The following NUBPL variants were observed in gnomAD, a reference collection of about 807,000 sequenced individuals.
The protein encoded by NUBPL is NUBP iron-sulfur cluster assembly factor, mitochondrial.
In NUBPL, 31 loss-of-function variants were observed where a neutral mutation model predicts 45.7. The observed-to-expected ratio is 0.68, with a 90% CI of 0.51 to 0.92. The LOEUF (loss-of-function observed/expected upper bound fraction) is 0.92, where lower values mean the gene tolerates loss of function less well. Ranked by LOEUF, NUBPL falls within the 40% of genes least tolerant of loss-of-function variation. NUBPL has a pLI of 0.00. For missense variants in NUBPL, 401 were observed against 398.7 expected (o/e 1.01, Z -0.05); for synonymous variants, 144 against 140.9 (o/e 1.02, Z -0.15).
chr14:31,791,293 T>C (rs1463796810), intron 7 of NUBPL, among the ~76,000 whole-genome samples: 1 of 151,924 alleles, frequency 6.6e-6, no homozygotes, highest in Admixed American at 6.6e-5. Flanking sequence ...TAAATAAAAA[T>C]GAAAAAAGAT....
chr14:31,625,976 A>G (rs1348754904), intron 4 of NUBPL, among the ~76,000 whole-genome samples: 1 of 152,142 alleles, frequency 6.6e-6, no homozygotes, highest in Non-Finnish European at 1.5e-5. Context: ...AGAGTTGGGT[A>G]TATTTTTAAA....
chr14:31,827,101 C>T (rs2040118818), intron 8 of NUBPL, among the ~76,000 whole-genome samples: 1 of 152,110 alleles, frequency 6.6e-6, no homozygotes. Flanking sequence ...TACAGTTCAA[C>T]TCATTTATAG....
At chr14:31,655,404 A>C (rs374297310) in intron 4 of NUBPL, among the ~76,000 whole-genome samples, 1 of 152,170 alleles carries the variant, frequency 6.6e-6, no homozygotes, top group African/African-American at 2.4e-5. Context: ...TGCATTGTCA[A>C]TGAGCAGTAA....
At chr14:31,785,849 C>T (rs2039274495) in intron 6 of NUBPL, among the ~76,000 whole-genome samples, 1 of 152,142 alleles carries the variant, frequency 6.6e-6, no homozygotes, top group Non-Finnish European at 1.5e-5. Flanking sequence ...ATATCATCTA[C>T]ACTTTTTATT....
At chr14:31,698,968 C>T (rs931506978) in intron 6 of NUBPL, among the ~76,000 whole-genome samples, 5 of 152,036 alleles carry the variant, frequency 3.3e-5, no homozygotes, top group African/African-American at 1.2e-4. Context: ...AATTCTCCTG[C>T]CTCAGCCTCC....
intron 4 of NUBPL, among the ~76,000 whole-genome samples, chr14:31,631,624 G>A (rs2139663282): frequency 1.3e-5 from 2 of 152,090 alleles, no homozygotes; most frequent in African/African-American, 4.8e-5. Context: ...TGAATCCAAA[G>A]GTCTAAGAAC....
chr14:31,853,431 G>A (rs183344927), intron 10 of NUBPL, among the ~76,000 whole-genome samples: 13 of 152,170 alleles, frequency 8.5e-5, no homozygotes, highest in South Asian at 2.1e-4. Flanking sequence ...ACGTTTAATC[G>A]TTAGCTTTTT....
At chr14:31,740,529 T>C (rs907775468) in intron 6 of NUBPL, among the ~76,000 whole-genome samples, 2 of 152,208 alleles carry the variant, frequency 1.3e-5, no homozygotes, top group African/African-American at 4.8e-5. Flanking sequence ...GTTTTAAGAG[T>C]TCTTTGTATG....
chr14:31,747,372 T>C lies in NUBPL; in HGVS notation c.514-40408T>C, dbSNP rs371469175. On this transcript the variant is annotated intron_variant, in intron 6 of 10. Coordinates refer to ENST00000281081, the MANE Select transcript of NUBPL (RefSeq NM_025152.3). ...CAGGATGGTCTTGATCTCCTGACCT[T>C]GTGGTCCACCCGCCTTGGCCTCCCA... is the stretch of plus-strand genomic sequence containing the variant. Among the ~76,000 whole-genome samples, 716 of 151,678 alleles carry C rather than the reference T, an allele frequency of 4.7e-3. 7 individuals carry two copies. The highest frequency in any genetic ancestry group is 0.016 in the African/African-American group (670 of 41,082).
intron 10 of NUBPL, among the ~76,000 whole-genome samples, chr14:31,854,254 T>G (rs1159413575): frequency 1.3e-5 from 2 of 152,202 alleles, no homozygotes; most frequent in Admixed American, 6.5e-5. Flanking sequence ...GTATTATCTG[T>G]GCCTCTAGAT....
chr14:31,843,935 G>A (rs2040414668), intron 8 of NUBPL: 1 of 152,168 alleles, frequency 6.6e-6, no homozygotes, highest in Admixed American at 6.5e-5. Context: ...AAGCTCCAAA[G>A]GGTAAGGATC....
intron 9 of NUBPL, among the ~76,000 whole-genome samples, chr14:31,846,992 A>C (rs2040464550): frequency 6.6e-6 from 1 of 152,060 alleles, no homozygotes; most frequent in Non-Finnish European, 1.5e-5. Flanking sequence ...GTCTCTGAAA[A>C]TGATGAGTTG....
intron 6 of NUBPL, among the ~76,000 whole-genome samples, chr14:31,704,686 TTC>T (rs2037408798): frequency 6.6e-6 from 1 of 152,002 alleles, no homozygotes; most frequent in South Asian, 2.1e-4. Context: ...AGTGTAATCC[TTC>T]TCTCATTCTC....
intron 7 of NUBPL, among the ~76,000 whole-genome samples, chr14:31,804,489 A>G (rs2039647894): frequency 6.6e-6 from 1 of 152,158 alleles, no homozygotes; most frequent in Admixed American, 6.6e-5. Flanking sequence ...AATTCCCTGA[A>G]TACCTATCAA....
chr14:31,806,291 T>A (rs549143917), intron 7 of NUBPL, among the ~76,000 whole-genome samples: 8 of 152,190 alleles, frequency 5.3e-5, no homozygotes, highest in Non-Finnish European at 1.0e-4. Context: ...AGAGCAGCAG[T>A]TCTCCTCTCT....
chr14:31,759,357 C>T (rs1030014390), intron 6 of NUBPL, among the ~76,000 whole-genome samples: 1 of 151,850 alleles, frequency 6.6e-6, no homozygotes, highest in Non-Finnish European at 1.5e-5. Context: ...GAGTCAGTTA[C>T]ATATATGCCG....
intron 6 of NUBPL, among the ~76,000 whole-genome samples, chr14:31,780,880 T>C (rs970488): frequency 0.22 from 34,135 of 152,188 alleles, 6,679 homozygotes; most frequent in African/African-American, 0.53. Flanking sequence ...TATACAATTT[T>C]GGAATAACTT....
chr14:31,843,017 CT>C (rs2040400157), intron 8 of NUBPL, among the ~76,000 whole-genome samples: 1 of 152,144 alleles, frequency 6.6e-6, no homozygotes, highest in African/African-American at 2.4e-5. Flanking sequence ...ATTTCAGTGG[CT>C]TAAAACAGCA....
rs1036473274 is a variant in NUBPL at position 31,701,952 on chromosome 14, C to T, written c.513+28378C>T. On this transcript the variant is annotated intron_variant, in intron 6 of 10. Coordinates refer to ENST00000281081, the MANE Select transcript of NUBPL (RefSeq NM_025152.3). ...TTTGCAATATGTGAATAGTTTAGGTCAAATAATGGTGTTAAAGAGCATAGT... is the reference window on the plus strand; with the variant it reads ...TTTGCAATATGTGAATAGTTTAGGTTAAATAATGGTGTTAAAGAGCATAGT... 2.6e-5 allele frequency among the ~76,000 whole-genome samples: 4 copies of T among 152,104 alleles called. No individual in the cohort carries two copies. The South Asian group carries it at 8.3e-4, about 32-fold the overall frequency.
Sources: allele counts gnomAD v4.1 joint callset (sites outside exome capture counted in the v4.1 genomes callset), GRCh38; gene constraint gnomAD v4.1.1; transcripts MANE v1.5; gene names NCBI Gene and HGNC (gene_info 2026-07-23, HGNC 2026-07-21).